CNNM1: variants seen among roughly 807,000 people sequenced by gnomAD.
CNNM1 encodes metal transporter CNNM1.
A neutral mutation model predicts 78.8 loss-of-function variants in CNNM1; 44 were observed. The ratio of observed to expected loss-of-function variants is 0.56; its 90% CI spans 0.44 to 0.72. The LOEUF (loss-of-function observed/expected upper bound fraction) is 0.72. CNNM1 is among the 30% of genes least tolerant of loss of function. The pLI is 0.00. For missense variants in CNNM1, 1,101 were observed against 1,292.2 expected (o/e 0.85, Z 2.27); for synonymous variants, 584 against 581.5 (o/e 1.00, Z -0.06).
In CNNM1 at chr10:99,380,721, G is replaced by A. The variant is rs539071485; in HGVS notation, c.2340+3503G>A. Among the ~76,000 whole-genome samples the A allele has an allele frequency of 5.2e-4, 79 of 151,950 alleles. 2 individuals carry two copies. The East Asian group carries it at 0.015, about 28-fold the overall frequency. On this transcript the variant is annotated intron_variant, in intron 7 of 10. Transcript: ENST00000356713. ...CAGGAAAATCACTTGAACCTGGGAG[G>A]CGGAGGTGGCAGTGAACTGAGATCG...
chr10:99,388,023 G>T lies in CNNM1; in HGVS notation c.2524+20G>T. The T allele has an allele frequency of 1.3e-6, 2 of 1,577,246 alleles. No homozygotes were observed. Among genetic ancestry groups the T allele is most frequent in the East Asian group, 2.2e-5 (1 of 44,586 alleles). On this transcript the variant is annotated intron_variant, in intron 8 of 10. Transcript: ENST00000356713. ...TGCCGTGTAAGTCAGCTGGGCAGACGGGCAGGCTGGGCTGGTGTGGGGTGA... is the reference window on the plus strand; with the variant it reads ...TGCCGTGTAAGTCAGCTGGGCAGACTGGCAGGCTGGGCTGGTGTGGGGTGA...
intron 1 of CNNM1, among the ~76,000 whole-genome samples, chr10:99,345,098 A>G (rs1195154526): frequency 6.6e-6 from 1 of 152,132 alleles, no homozygotes; most frequent in Non-Finnish European, 1.5e-5. Flanking sequence ...ACATACTAAT[A>G]TTGTCCTTGG....
At chr10:99,367,889 T>C (rs1026748190) in intron 6 of CNNM1, among the ~76,000 whole-genome samples, 19 of 151,956 alleles carry the variant, frequency 1.3e-4, no homozygotes, top group Non-Finnish European at 2.4e-4. Flanking sequence ...TTATACACAC[T>C]GAACTCTACC....
chr10:99,389,386 T>C (rs1178354155), intron 9 of CNNM1, among the ~76,000 whole-genome samples: 1 of 132,374 alleles, frequency 7.6e-6, no homozygotes, highest in Non-Finnish European at 1.5e-5. Context: ...CATTGCACTC[T>C]AGCCTGGGTG....
intron 6 of CNNM1, among the ~76,000 whole-genome samples, chr10:99,369,383 C>A (rs1226667499): frequency 6.6e-6 from 1 of 152,140 alleles, no homozygotes; most frequent in East Asian, 1.9e-4. Flanking sequence ...AATTGCCCTG[C>A]AGTTAGAACA....
At chr10:99,367,729 A>G (rs1182200245) in intron 6 of CNNM1, among the ~76,000 whole-genome samples, 2 of 152,208 alleles carry the variant, frequency 1.3e-5, no homozygotes, top group Non-Finnish European at 2.9e-5. Context: ...AAAACTGCAG[A>G]AGCAGTCTAT....
intron 1 of CNNM1, among the ~76,000 whole-genome samples, chr10:99,335,817 G>A (rs2030153249): frequency 6.6e-6 from 1 of 152,200 alleles, no homozygotes; most frequent in Non-Finnish European, 1.5e-5. Flanking sequence ...AGTTTCTGGT[G>A]AGGACGTTCT....
rs762073506 is a variant in CNNM1 at position 99,364,477 on chromosome 10, T to C, written c.2089T>C (p.Tyr697His). 3.1e-6 allele frequency: 5 copies of C among 1,612,634 alleles called. No individual in the cohort carries two copies. In the African/African-American group the frequency reaches 5.3e-5, roughly 17 times the overall value. ...TCGCTTTGAAAATGGAGCCTTTACT[T>C]ACTATGGCGTCCCAGCCATCATGAC... ...GLRFENGAFT[Y>H]YGVPAIMTTA... The change falls in exon 5 of 11, where the codon TAC (tyrosine) becomes CAC (histidine). Residue 697 changes from tyrosine (Y) to histidine (H), a missense_variant. Around this residue, in one of 3 missense-constraint regions of CNNM1, gnomAD observed 348 missense variants for 384.5 expected, o/e 0.90. Coordinates refer to ENST00000356713, the MANE Select transcript of CNNM1 (RefSeq NM_020348.3).
chr10:99,331,063 A>C (rs2029892270), intron 1 of CNNM1, 103 bp downstream of exon 1: 1 of 1,181,826 alleles, frequency 8.5e-7, no homozygotes. Context: ...TTTCTCTCCT[A>C]TGGTACTAAA....
chr10:99,365,253 G>A lies in CNNM1; in HGVS notation c.2176+251G>A, dbSNP rs190068212. On this transcript the variant is annotated intron_variant, in intron 6 of 10. Coordinates refer to ENST00000356713, the MANE Select transcript of CNNM1 (RefSeq NM_020348.3). The stretch of plus-strand genomic sequence containing the variant: ...ATGGTTGGGGGGATGCAGGGGTTGT[G>A]AGGGAAGGCACTGCTTATTGCCACC... 1.5e-5 allele frequency: 9 copies of A among 600,362 alleles called. 1 individual carries two copies. The Admixed American group carries it at 1.6e-4, about 11-fold the overall frequency. The allele number at this position is 600,362 out of a possible 1,614,324, so 37.2% of individuals were successfully genotyped here.
chr10:99,378,488 T>C (rs17111625), intron 7 of CNNM1, among the ~76,000 whole-genome samples: 10,450 of 152,110 alleles, frequency 0.069, 708 homozygotes, highest in African/African-American at 0.17. Context: ...TGCTGGCCGG[T>C]TTTCTGTGTT....
Position 99,390,340 on chromosome 10 carries a change from T to A in CNNM1, c.2709T>A (p.Asp903Glu). The part of the protein sequence containing the change: ...SDSECCNINL[D>E]TETSPCSSDF... ...GTGAATGTTGTAACATCAACCTGGA[T>A]ACAGAGACCAGCCCCTGCAGTAGCG... Residue 903 changes from aspartate (D) to glutamate (E), a missense_variant, in exon 10 of 11, where the codon GAT becomes GAA. Physicochemically the swap from Asp to Glu is conservative, Grantham distance 45. Around this residue, in one of 3 missense-constraint regions of CNNM1, gnomAD observed 348 missense variants for 384.5 expected, o/e 0.90. Coordinates refer to ENST00000356713, the MANE Select transcript of CNNM1 (RefSeq NM_020348.3). 6.2e-7 allele frequency: 1 copy of A among 1,613,320 alleles called. No individual in the cohort carries two copies. The highest frequency in any genetic ancestry group is 8.5e-7 in the Non-Finnish European group (1 of 1,179,660).
chr10:99,377,197 C>T lies in CNNM1; in HGVS notation c.2319C>T (p.Leu773=). 1 of 1,613,668 alleles carries T rather than the reference C, an allele frequency of 6.2e-7. No homozygotes were observed. Among genetic ancestry groups the T allele is most frequent in the African/African-American group, 1.3e-5 (1 of 75,028 alleles). The change falls in exon 7 of 11, where the codon CTC becomes CTT. Residue 773 remains leucine (L), a synonymous_variant. Coordinates refer to ENST00000356713, the MANE Select transcript of CNNM1 (RefSeq NM_020348.3). ...LYMPDYSVHI[L]SDVQFVKITR... is the part of the protein sequence containing the mutation. Reference sequence around the variant, plus strand: ...TGCCTGACTACTCAGTCCACATCCTCAGCGATGTGCAGTTTGTGAAGGTAA... The same window carrying T: ...TGCCTGACTACTCAGTCCACATCCTTAGCGATGTGCAGTTTGTGAAGGTAA...
At chr10:99,390,183 C>G (rs2032431489) in intron 9 of CNNM1, 123 bp from the exon 10 acceptor site, 1 of 692,888 alleles carries the variant, frequency 1.4e-6, no homozygotes, top group Non-Finnish European at 2.5e-6. Flanking sequence ...TGTTACACCA[C>G]CCTCACCTTG....
intron 1 of CNNM1, among the ~76,000 whole-genome samples, chr10:99,333,402 T>C (rs1468786616): frequency 6.6e-6 from 1 of 152,222 alleles, no homozygotes; most frequent in East Asian, 1.9e-4. Flanking sequence ...TGGAATGCAG[T>C]GGCGCCATCT....
chr10:99,387,987 C>T lies in CNNM1; in HGVS notation c.2508C>T (p.Asn836=). Residue 836 remains asparagine (N), a synonymous_variant, in exon 8 of 11, where the codon AAC becomes AAT. Coordinates refer to ENST00000356713, the MANE Select transcript of CNNM1 (RefSeq NM_020348.3). ...KDDPAITLLN[N]RNSLPCSRSD... ...ACCCCGCCATCACGCTCCTCAACAA[C>T]AGGAACAGCCTGCCGTGTAAGTCAG... The T allele has an allele frequency of 1.3e-6, 2 of 1,592,466 alleles. No homozygotes were observed. Among genetic ancestry groups the T allele is most frequent in the South Asian group, 2.3e-5 (2 of 87,186 alleles).
At chr10:99,338,483 T>C (rs566589007) in intron 1 of CNNM1, among the ~76,000 whole-genome samples, 1 of 152,220 alleles carries the variant, frequency 6.6e-6, no homozygotes, top group South Asian at 2.1e-4. Flanking sequence ...TTCACCGTGT[T>C]GCCCGGGGTG....
intron 7 of CNNM1, among the ~76,000 whole-genome samples, chr10:99,386,104 G>T (rs372690797): frequency 3.9e-4 from 59 of 152,306 alleles, no homozygotes; most frequent in Admixed American, 1.6e-3. Context: ...GCTAAGTGGA[G>T]ACCTGTGGTT....
intron 7 of CNNM1, among the ~76,000 whole-genome samples, chr10:99,380,612 G>A (rs909649687): frequency 2.6e-5 from 4 of 152,110 alleles, no homozygotes; most frequent in South Asian, 2.1e-4. Flanking sequence ...ACAACATGGC[G>A]AAACCCCGTT....
Sources: allele counts gnomAD v4.1 joint callset (sites outside exome capture counted in the v4.1 genomes callset), GRCh38; gene constraint gnomAD v4.1.1; regional missense constraint gnomAD v4.1.1; transcripts MANE v1.5; gene names NCBI Gene and HGNC (gene_info 2026-07-23, HGNC 2026-07-21).